Variants in ZNF143 observed in about 807,000 individuals in gnomAD.
ZNF143 encodes SPH-binding factor.
In ZNF143, 49 loss-of-function variants were observed where a neutral mutation model predicts 74.1. That is an observed-to-expected ratio of 0.66 (90% confidence interval 0.53 to 0.84). The LOEUF (loss-of-function observed/expected upper bound fraction) is 0.84, where lower values mean the gene tolerates loss of function less well. Among genes scored for constraint, ZNF143 ranks in the 40% least tolerant of loss-of-function variants. The probability of loss-of-function intolerance (pLI) is 0.00; values close to 1 mark genes in which losing one functional copy is unlikely to be tolerated. For synonymous variants in ZNF143, 304 were observed against 282.8 expected (o/e 1.07, Z -0.75); for missense variants, 637 against 793.4 (o/e 0.80, Z 2.37).
At chr11:9,520,129 C>T (rs1464649504) in intron 14 of ZNF143, among the ~76,000 whole-genome samples, 3 of 147,276 alleles carry the variant, frequency 2.0e-5, no homozygotes, top group African/African-American at 2.5e-5. Flanking sequence ...TTCCGCCTTC[C>T]GGGTTCAAGT....
intron 7 of ZNF143, among the ~76,000 whole-genome samples, chr11:9,492,659 C>G (rs1847825506): frequency 6.6e-6 from 1 of 151,980 alleles, no homozygotes; most frequent in Non-Finnish European, 1.5e-5. Context: ...TAAAAATACC[C>G]CTGAAAAGAA....
chr11:9,526,607 A>G (rs929019107), intron 15 of ZNF143, among the ~76,000 whole-genome samples: 1 of 143,018 alleles, frequency 7.0e-6, no homozygotes, highest in African/African-American at 2.6e-5. Flanking sequence ...TTTAGTTTTT[A>G]TTTATGTAAA....
chr11:9,497,144 T>C (rs775420362), intron 9 of ZNF143, among the ~76,000 whole-genome samples: 3 of 152,204 alleles, frequency 2.0e-5, no homozygotes, highest in Non-Finnish European at 2.9e-5. Flanking sequence ...TGAGGCACTT[T>C]AGAAAAGAAA....
chr11:9,484,799 G>GTTTTTTTTTTTTTTTTTTTTTTTTT (rs1316309780), intron 7 of ZNF143, among the ~76,000 whole-genome samples: 1 of 24,228 alleles, frequency 4.1e-5, no homozygotes, highest in Non-Finnish European at 7.1e-5. Flanking sequence ...CCTGGCCAAA[G>GTTTTTTTTTTTTTTTTTTTTTTTTT]ATTTTTTTTT....
chr11:9,521,250 G>T (rs1848916202), intron 14 of ZNF143, among the ~76,000 whole-genome samples: 1 of 152,114 alleles, frequency 6.6e-6, no homozygotes, highest in Non-Finnish European at 1.5e-5. Context: ...ATCAATAGAG[G>T]ATCATACTCT....
intron 7 of ZNF143, among the ~76,000 whole-genome samples, chr11:9,481,045 T>G (rs2313090): frequency 0.17 from 25,749 of 152,064 alleles, 2,655 homozygotes; most frequent in African/African-American, 0.27. Flanking sequence ...GCTGTGTGAT[T>G]CGTAGCAAAA....
At chr11:9,522,234 T>C (rs1245747627) in intron 14 of ZNF143, among the ~76,000 whole-genome samples, 4 of 152,038 alleles carry the variant, frequency 2.6e-5, no homozygotes, top group African/African-American at 7.2e-5. Flanking sequence ...CTGGGCGCAG[T>C]GGCTCACACC....
At chr11:9,482,956 A>G (rs1038474875) in intron 7 of ZNF143, among the ~76,000 whole-genome samples, 2 of 151,342 alleles carry the variant, frequency 1.3e-5, no homozygotes, top group African/African-American at 2.5e-5. Context: ...ATTTTTTTCA[A>G]TTGGTTACTA....
intron 12 of ZNF143, among the ~76,000 whole-genome samples, chr11:9,511,363 C>A (rs1848537746): frequency 6.6e-6 from 1 of 151,822 alleles, no homozygotes; most frequent in Non-Finnish European, 1.5e-5. Flanking sequence ...GTGGTGCAAT[C>A]TCGGCTCACT....
intron 14 of ZNF143, among the ~76,000 whole-genome samples, chr11:9,517,923 G>C (rs1051317071): frequency 6.6e-6 from 1 of 152,196 alleles, no homozygotes; most frequent in African/African-American, 2.4e-5. Flanking sequence ...AAAAGACACT[G>C]TTAAGAAAAA....
At chr11:9,490,247 C>G (rs1205344812) in intron 7 of ZNF143, among the ~76,000 whole-genome samples, 3 of 149,284 alleles carry the variant, frequency 2.0e-5, no homozygotes, top group Non-Finnish European at 4.4e-5. Context: ...GTGATTTTCC[C>G]TGGATGGTGG....
chr11:9,463,919 T>C (rs1342532708), intron 1 of ZNF143: 2 of 152,218 alleles, frequency 1.3e-5, no homozygotes, highest in Non-Finnish European at 2.9e-5. Context: ...CAGATAACTA[T>C]ATACATTTTT....
intron 14 of ZNF143, among the ~76,000 whole-genome samples, chr11:9,521,753 TA>T (rs1369276356): frequency 6.6e-6 from 1 of 152,138 alleles, no homozygotes; most frequent in Non-Finnish European, 1.5e-5. Context: ...ACTATTTCCT[TA>T]TTATCTCTTT....
chr11:9,466,275 G>A (rs991728124), intron 1 of ZNF143, among the ~76,000 whole-genome samples: 1 of 130,558 alleles, frequency 7.7e-6, no homozygotes, highest in African/African-American at 2.9e-5. Context: ...GAGCCACCAT[G>A]CGCAGCCTAA....
At chr11:9,512,854 C>CA (rs1848599836) in intron 13 of ZNF143, among the ~76,000 whole-genome samples, 1 of 152,074 alleles carries the variant, frequency 6.6e-6, no homozygotes, top group South Asian at 2.1e-4. Flanking sequence ...CAGAGAGGCT[C>CA]AGGGCTTCAA....
intron 5 of ZNF143, among the ~76,000 whole-genome samples, chr11:9,475,134 A>G (rs143600415): frequency 6.6e-6 from 1 of 151,514 alleles, no homozygotes; most frequent in African/African-American, 2.4e-5. Context: ...CAGCCTCCCA[A>G]AGTGCTGGGA....
intron 12 of ZNF143, 86 bp from the exon 13 acceptor site, chr11:9,512,362 T>G: frequency 6.7e-7 from 1 of 1,487,462 alleles, no homozygotes; most frequent in Non-Finnish European, 9.1e-7. Flanking sequence ...TTTAATTATG[T>G]AATTTTCTCT....
At chr11:9,479,568 T>C in intron 7 of ZNF143, 22 bp downstream of exon 7, 1 of 1,595,506 alleles carries the variant, frequency 6.3e-7, no homozygotes, top group Non-Finnish European at 8.6e-7. Context: ...TACTTTTTAA[T>C]ATAAAAATCT....
chr11:9,464,952 C>G (rs555890340), intron 1 of ZNF143, among the ~76,000 whole-genome samples: 15 of 151,836 alleles, frequency 9.9e-5, no homozygotes, highest in Admixed American at 9.2e-4. Context: ...TGCTAAATGG[C>G]CTATAAGGGT....
Sources: gnomAD v4.1 joint callset for allele counts (sites outside exome capture counted in the v4.1 genomes callset) on GRCh38, gnomAD v4.1.1 for gene constraint, MANE v1.5 for transcripts, NCBI Gene and HGNC (gene_info 2026-07-23, HGNC 2026-07-21) for gene names.